Variants in ANKFN1 observed in about 807,000 individuals in gnomAD.
ANKFN1 encodes the protein ankyrin repeat and fibronectin type-III domain-containing protein 1.
Under a neutral mutation model 108.7 loss-of-function variants are expected in ANKFN1, and 74 were observed. The observed-to-expected ratio is 0.68, with a 90% CI of 0.56 to 0.83. The LOEUF (loss-of-function observed/expected upper bound fraction) is 0.83, where lower values mean the gene tolerates loss of function less well. Among genes scored for constraint, ANKFN1 ranks in the 40% least tolerant of loss-of-function variants. The pLI, the probability that ANKFN1 is intolerant of heterozygous loss-of-function variation, is 0.00. For synonymous variants in ANKFN1, 547 were observed against 516.2 expected (o/e 1.06, Z -0.81); for missense variants, 1,505 against 1,382.3 (o/e 1.09, Z -1.41).
At chr17:56,448,285 A>C (rs2145196335) in intron 10 of ANKFN1, among the ~76,000 whole-genome samples, 1 of 152,322 alleles carries the variant, frequency 6.6e-6, no homozygotes, top group African/African-American at 2.4e-5. Context: ...GCTGAAAAAA[A>C]AAACAAAAAA....
intron 4 of ANKFN1, among the ~76,000 whole-genome samples, chr17:56,114,417 C>T (rs2143266544): frequency 6.6e-6 from 1 of 152,232 alleles, no homozygotes; most frequent in African/African-American, 2.4e-5. Context: ...AACACTAGTC[C>T]TTCGTTTATG....
intron 3 of ANKFN1, among the ~76,000 whole-genome samples, chr17:56,261,702 T>A (rs1427709753): frequency 6.6e-6 from 1 of 152,144 alleles, no homozygotes; most frequent in South Asian, 2.1e-4. Context: ...ACTCAGCCAG[T>A]CTAGTCCTTC....
At chr17:56,115,561 C>T (rs1906218079) in intron 4 of ANKFN1, among the ~76,000 whole-genome samples, 1 of 152,054 alleles carries the variant, frequency 6.6e-6, no homozygotes, top group South Asian at 2.1e-4. Flanking sequence ...ACAGTTATAA[C>T]CATGTGGAAG....
rs561336122 is a variant in ANKFN1, at chr17:56,222,726, G to C, written c.13-5191G>C. Among the ~76,000 whole-genome samples, 12 of 152,314 alleles carry C rather than the reference G, an allele frequency of 7.9e-5. No homozygotes were observed. The South Asian group carries it at 2.3e-3, about 29-fold the overall frequency. Reference sequence around the variant, plus strand: ...AAGAAATGGAAGTTATGCATGCTAAGTGAAAAATACACATAGAGGACACAT... The same window carrying C: ...AAGAAATGGAAGTTATGCATGCTAACTGAAAAATACACATAGAGGACACAT... On this transcript the variant is annotated intron_variant, in intron 2 of 20. Transcript: ENST00000682825.
intron 4 of ANKFN1, among the ~76,000 whole-genome samples, chr17:56,118,092 C>T (rs28519449): frequency 0.34 from 52,074 of 151,902 alleles, 9,682 homozygotes; most frequent in East Asian, 0.53. Context: ...AATAATACTC[C>T]AGTACGTGGA....
At chr17:56,093,474 A>G (rs1219489008) in intron 4 of ANKFN1, among the ~76,000 whole-genome samples, 2 of 151,242 alleles carry the variant, frequency 1.3e-5, no homozygotes, top group Non-Finnish European at 3.0e-5. Flanking sequence ...GCTTATGCAC[A>G]ATTTCCTTCT....
chr17:56,138,733 A>G (rs1598129268), intron 4 of ANKFN1, among the ~76,000 whole-genome samples: 1 of 151,766 alleles, frequency 6.6e-6, no homozygotes, highest in South Asian at 2.1e-4. Context: ...CTGGTCTCGA[A>G]CTCCTGACCT....
chr17:56,067,138 G>A (rs1418957071), intron 4 of ANKFN1, among the ~76,000 whole-genome samples: 2 of 152,002 alleles, frequency 1.3e-5, no homozygotes, highest in African/African-American at 2.4e-5. Context: ...GCAGTGAGCC[G>A]AGATTGCACC....
At chr17:56,276,642 A>C (rs1031241806) in intron 3 of ANKFN1, among the ~76,000 whole-genome samples, 1 of 152,072 alleles carries the variant, frequency 6.6e-6, no homozygotes, top group Admixed American at 6.5e-5. Context: ...TGGCTGCATA[A>C]ATGTCTTCTT....
At chr17:56,127,074 A>G (rs1050704268) in intron 4 of ANKFN1, among the ~76,000 whole-genome samples, 4 of 152,208 alleles carry the variant, frequency 2.6e-5, no homozygotes, top group Non-Finnish European at 5.9e-5. Context: ...CTCATAGCAC[A>G]AGAGTGTAAT....
At chr17:56,332,539 GA>G (rs1398901710) in intron 4 of ANKFN1, among the ~76,000 whole-genome samples, 2 of 152,068 alleles carry the variant, frequency 1.3e-5, no homozygotes, top group East Asian at 3.8e-4. Flanking sequence ...ACAATTTGTT[GA>G]AAAGATTATC....
intron 1 of ANKFN1, among the ~76,000 whole-genome samples, chr17:56,193,850 C>T (rs1472382853): frequency 6.6e-6 from 1 of 152,170 alleles, no homozygotes. Context: ...AAGCCACAGA[C>T]TTGGAGAAAA....
At position 56,466,305 on chromosome 17, in the gene ANKFN1, G is replaced by A. The variant is rs755151199; in HGVS notation, c.1558-51G>A. On this transcript the variant is annotated intron_variant, in intron 14 of 20. Coordinates refer to ENST00000682825, the MANE Select transcript of ANKFN1 (RefSeq NM_001370326.1). ...CGGTGTCTTTTGTTGCCGTTGTGTTGCTTTGTTAGCATAATACCCTCTATG... is the reference window on the plus strand; with the variant it reads ...CGGTGTCTTTTGTTGCCGTTGTGTTACTTTGTTAGCATAATACCCTCTATG... 53 of 1,502,746 alleles carry A rather than the reference G, an allele frequency of 3.5e-5. No individual in the cohort carries two copies. In the South Asian group the frequency reaches 5.4e-4, roughly 15 times the overall value. The allele number at this position is 1,502,746 out of a possible 1,614,324, so 93.1% of individuals were successfully genotyped here.
At chr17:56,487,590 G>A (rs192357443) in intron 18 of ANKFN1, among the ~76,000 whole-genome samples, 1 of 152,064 alleles carries the variant, frequency 6.6e-6, no homozygotes. Flanking sequence ...TTCATTTACT[G>A]AGCTTCTGCT....
intron 6 of ANKFN1, among the ~76,000 whole-genome samples, chr17:56,371,235 T>C (rs2046803892): frequency 6.6e-6 from 1 of 152,042 alleles, no homozygotes; most frequent in African/African-American, 2.4e-5. Context: ...AACACAGTCC[T>C]GAGTGTTCTA....
chr17:56,505,246 C>T (rs1003087355), intron 20 of ANKFN1, among the ~76,000 whole-genome samples: 2 of 152,140 alleles, frequency 1.3e-5, no homozygotes, highest in Non-Finnish European at 2.9e-5. Context: ...TTTCAGGATG[C>T]GTTGCTTTTA....
chr17:56,228,945 A>G (rs1809838170), intron 3 of ANKFN1, among the ~76,000 whole-genome samples: 1 of 152,088 alleles, frequency 6.6e-6, no homozygotes, highest in Admixed American at 6.6e-5. Context: ...TATATATTAT[A>G]CATGTTCTAA....
At chr17:56,153,467 C>A (rs772439298), upstream of ANKFN1, 23 of 1,613,282 alleles carry the variant, frequency 1.4e-5, no homozygotes, top group Middle Eastern at 1.7e-4. Context: ...CCCTCCACCC[C>A]CCAGGTCCTC....
chr17:56,276,880 A>C (rs16957030), intron 3 of ANKFN1, among the ~76,000 whole-genome samples: 3,713 of 152,192 alleles, frequency 0.024, 67 homozygotes, highest in African/African-American at 0.05. Context: ...GTATAACTTA[A>C]ATGCTTTGAA....
Sources: allele counts gnomAD v4.1 joint callset (sites outside exome capture counted in the v4.1 genomes callset), GRCh38; gene constraint gnomAD v4.1.1; transcripts MANE v1.5; gene names NCBI Gene and HGNC (gene_info 2026-07-23, HGNC 2026-07-21).